The following ARB2A variants were observed in gnomAD, a reference collection of about 807,000 sequenced individuals.
ARB2A encodes the protein ARB2 cotranscriptional regulator A, also known as cotranscriptional regulator ARB2A.
chr5:93,857,707 G>A, the ARB2A span, among the ~76,000 whole-genome samples: 4 of 152,160 alleles, frequency 2.6e-5, no homozygotes, highest in African/African-American at 9.7e-5. Flanking sequence ...CTTTGACTAG[G>A]AAAGGGAACT....
At chr5:94,108,893 T>G in the ARB2A span, among the ~76,000 whole-genome samples, 5 of 152,114 alleles carry the variant, frequency 3.3e-5, no homozygotes, top group Non-Finnish European at 7.4e-5. Context: ...CATATAAAAT[T>G]TCCATGTGAT....
the ARB2A span, among the ~76,000 whole-genome samples, chr5:93,729,487 G>A: frequency 6.6e-6 from 1 of 152,080 alleles, no homozygotes; most frequent in African/African-American, 2.4e-5. Flanking sequence ...GGATGTCTGG[G>A]AAATGGCCAA....
At chr5:93,994,737 T>C in the ARB2A span, among the ~76,000 whole-genome samples, 2 of 151,758 alleles carry the variant, frequency 1.3e-5, no homozygotes, top group African/African-American at 4.8e-5. Flanking sequence ...CCCCTGTCTC[T>C]ATAAAAAAAT....
chr5:93,922,566 G>C, the ARB2A span, among the ~76,000 whole-genome samples: 9 of 135,034 alleles, frequency 6.7e-5, no homozygotes, highest in Non-Finnish European at 1.4e-4. Flanking sequence ...TCCCAGGAAA[G>C]AAGGAAAGAA....
the ARB2A span, among the ~76,000 whole-genome samples, chr5:93,630,433 T>C: frequency 6.6e-6 from 1 of 152,326 alleles, no homozygotes; most frequent in East Asian, 1.9e-4. Context: ...GTTGAGATTG[T>C]ATTGAGACTG....
At chr5:93,636,725 A>G in the ARB2A span, among the ~76,000 whole-genome samples, 2 of 152,236 alleles carry the variant, frequency 1.3e-5, no homozygotes, top group Admixed American at 6.5e-5. Flanking sequence ...GAGTTTTCCA[A>G]TTAACCCACA....
the ARB2A span, among the ~76,000 whole-genome samples, chr5:94,076,829 A>G: frequency 4.6e-5 from 7 of 152,240 alleles, no homozygotes; most frequent in African/African-American, 1.7e-4. Flanking sequence ...AATATAAACT[A>G]TTAGATTATT....
At chr5:93,758,709 C>T in the ARB2A span, among the ~76,000 whole-genome samples, 1 of 151,994 alleles carries the variant, frequency 6.6e-6, no homozygotes, top group African/African-American at 2.4e-5. Flanking sequence ...ACAATAATGA[C>T]ACAACTTAAC....
At chr5:93,621,112 G>A in the ARB2A span, 1 of 1,611,726 alleles carries the variant, frequency 6.2e-7, no homozygotes, top group African/African-American at 1.3e-5. Context: ...CAGGAAGTTA[G>A]CTCGTGACGG....
the ARB2A span, among the ~76,000 whole-genome samples, chr5:94,040,586 G>A: frequency 1.4e-5 from 2 of 142,378 alleles, no homozygotes; most frequent in African/African-American, 2.6e-5. Flanking sequence ...TCCCACCTAT[G>A]AGTGAGAACA....
At chr5:93,847,695 C>T in the ARB2A span, among the ~76,000 whole-genome samples, 10 of 152,228 alleles carry the variant, frequency 6.6e-5, no homozygotes, top group Admixed American at 2.0e-4. Flanking sequence ...ACAGGTATTA[C>T]GTACATATAT....
the ARB2A span, among the ~76,000 whole-genome samples, chr5:93,972,926 AAG>A: frequency 7.0e-6 from 1 of 142,112 alleles, no homozygotes; most frequent in Non-Finnish European, 1.5e-5. Flanking sequence ...AAAAAAAAAA[AAG>A]AGAAAACTCA....
At chr5:93,953,161 T>C in the ARB2A span, among the ~76,000 whole-genome samples, 1 of 152,180 alleles carries the variant, frequency 6.6e-6, no homozygotes, top group African/African-American at 2.4e-5. Context: ...GTGCATTGTT[T>C]AGTTCACCTG....
the ARB2A span, among the ~76,000 whole-genome samples, chr5:93,850,187 C>T: frequency 2.6e-5 from 4 of 152,044 alleles, no homozygotes; most frequent in African/African-American, 4.8e-5. Flanking sequence ...TGTGTGTGCA[C>T]GTATATGTCC....
chr5:93,838,786 T>C, the ARB2A span, among the ~76,000 whole-genome samples: 1 of 152,172 alleles, frequency 6.6e-6, no homozygotes, highest in African/African-American at 2.4e-5. Context: ...TTCTTAGATA[T>C]TTTATTCTTT....
At chr5:93,755,452 A>T in the ARB2A span, among the ~76,000 whole-genome samples, 182 of 152,298 alleles carry the variant, frequency 1.2e-3, no homozygotes, top group Admixed American at 2.7e-3. Context: ...TTGCATTGTG[A>T]ATTCTAGCTC....
chr5:93,987,754 A>G, the ARB2A span, among the ~76,000 whole-genome samples: 1 of 152,208 alleles, frequency 6.6e-6, no homozygotes, highest in African/African-American at 2.4e-5. Context: ...GCTCTAAAGA[A>G]GAGTCCTTAT....
chr5:93,793,239 A>ATTTTTTTTTTTT, the ARB2A span, among the ~76,000 whole-genome samples: 30 of 64,772 alleles, frequency 4.6e-4, 1 homozygote, highest in Non-Finnish European at 5.3e-4. Context: ...CTTCTGGCTA[A>ATTTTTTTTTTTT]TTTTTTTTTT....
the ARB2A span, among the ~76,000 whole-genome samples, chr5:93,983,751 G>T: frequency 3.4e-4 from 52 of 152,188 alleles, 1 homozygote; most frequent in Admixed American, 3.3e-3. Flanking sequence ...AAAATCACAC[G>T]CTCTTGATAT....
Sources: allele counts gnomAD v4.1 joint callset (sites outside exome capture counted in the v4.1 genomes callset), GRCh38; gene constraint gnomAD v4.1.1; transcripts MANE v1.5; gene names NCBI Gene and HGNC (gene_info 2026-07-23, HGNC 2026-07-21).